Variants in SLC2A9 observed in about 807,000 individuals in gnomAD.
The protein encoded by SLC2A9 is solute carrier family 2, facilitated glucose transporter member 9.
Under a neutral mutation model 50.6 loss-of-function variants are expected in SLC2A9, and 39 were observed. The observed-to-expected ratio is 0.77, with a 90% CI of 0.60 to 1.01. SLC2A9 has a LOEUF of 1.01. SLC2A9 is among the 50% of genes least tolerant of loss of function. SLC2A9 has a pLI of 0.00. For synonymous variants in SLC2A9, 324 were observed against 276.9 expected, an observed-to-expected ratio of 1.17 and a Z score of -1.69; for missense variants, 686 against 677.6, an observed-to-expected ratio of 1.01 and a Z score of -0.14.
rs149457985 is a variant in SLC2A9 at position 10,011,850 on chromosome 4, A to G, written c.249+7125T>C. On this transcript the variant is annotated intron_variant, in intron 2 of 11. Transcript: ENST00000264784. ...TGCTCCTATTTAGATGCTATGCAGCATAGGCTGTGGATTAATTATTCAGCC... is the reference window on the plus strand; with the variant it reads ...TGCTCCTATTTAGATGCTATGCAGCGTAGGCTGTGGATTAATTATTCAGCC... Among the ~76,000 whole-genome samples the G allele has an allele frequency of 3.9e-5, 6 of 152,368 alleles. No homozygotes were observed. In the East Asian group the frequency reaches 7.7e-4, roughly 20 times the overall value.
rs149180298 is a variant in SLC2A9, at chr4:9,939,209, G to C, written c.814+2704C>G. ...ATTGAACAGAGCTAAGGCCAACCTA[G>C]GTCAGCCAGGTGACCAACAGACATG... On this transcript the variant is annotated intron_variant, in intron 6 of 11. Transcript: ENST00000264784. Among the ~76,000 whole-genome samples, 594 of 152,258 alleles carry C rather than the reference G, an allele frequency of 3.9e-3. 1 individual carries two copies. The highest frequency in any genetic ancestry group is 0.014 in the Middle Eastern group (4 of 294).
At chr4:9,824,722 T>C (rs958580848), downstream of SLC2A9, among the ~76,000 whole-genome samples, 1 of 152,226 alleles carries the variant, frequency 6.6e-6, no homozygotes, top group Non-Finnish European at 1.5e-5. Context: ...GCCTTGTCTA[T>C]GATAGGTACC....
chr4:9,805,984 G>T (rs1201642783), intron 3 of SLC2A9, among the ~76,000 whole-genome samples: 1 of 152,200 alleles, frequency 6.6e-6, no homozygotes, highest in African/African-American at 2.4e-5. Context: ...ACGCGGTGGA[G>T]CCTGGACTTG....
chr4:9,795,224 G>C (rs1332034480), downstream of SLC2A9, among the ~76,000 whole-genome samples: 3 of 151,704 alleles, frequency 2.0e-5, no homozygotes, highest in Non-Finnish European at 4.4e-5. Flanking sequence ...TGTTGGCCAG[G>C]GTACCTCGAT....
At chr4:9,893,829 T>A (rs943301959) in intron 8 of SLC2A9, among the ~76,000 whole-genome samples, 1 of 152,176 alleles carries the variant, frequency 6.6e-6, no homozygotes, top group Non-Finnish European at 1.5e-5. Context: ...CCAGAGAGAT[T>A]ATGCTTATCT....
intron 10 of SLC2A9, among the ~76,000 whole-genome samples, chr4:9,857,390 G>A (rs956790282): frequency 6.6e-6 from 1 of 152,224 alleles, no homozygotes; most frequent in Non-Finnish European, 1.5e-5. Context: ...GGGCCAGACA[G>A]TGTCTCAAAT....
chr4:9,818,199 G>A (rs1723896217), intron 3 of SLC2A9, among the ~76,000 whole-genome samples: 1 of 151,294 alleles, frequency 6.6e-6, no homozygotes, highest in Non-Finnish European at 1.5e-5. Context: ...ATCTCCATCT[G>A]ACACGCTGTA....
chr4:9,890,815 G>T, intron 8 of SLC2A9, 104 bp from the exon 9 acceptor site: 1 of 1,019,782 alleles, frequency 9.8e-7, no homozygotes, highest in Non-Finnish European at 1.5e-6. Flanking sequence ...TTAAAAACCG[G>T]CTTTGACCCT....
At chr4:10,030,559 G>A (rs1763909933) in intron 1 of SLC2A9, among the ~76,000 whole-genome samples, 2 of 152,092 alleles carry the variant, frequency 1.3e-5, no homozygotes, top group Non-Finnish European at 2.9e-5. Context: ...GGGGGTGATA[G>A]GCCATTCAAG....
chr4:9,950,428 A>G (rs1750009191), intron 5 of SLC2A9, among the ~76,000 whole-genome samples: 1 of 152,154 alleles, frequency 6.6e-6, no homozygotes, highest in African/African-American at 2.4e-5. Flanking sequence ...CTATTCCTAA[A>G]ACATTTTCTA....
chr4:9,861,915 T>C (rs544986434), intron 10 of SLC2A9, among the ~76,000 whole-genome samples: 2 of 152,354 alleles, frequency 1.3e-5, no homozygotes, highest in South Asian at 4.1e-4. Context: ...TGGCTTCCCA[T>C]GGTATTGAAA....
intron 6 of SLC2A9, among the ~76,000 whole-genome samples, chr4:9,935,727 G>A (rs1291043424): frequency 6.6e-6 from 1 of 152,194 alleles, no homozygotes; most frequent in African/African-American, 2.4e-5. Flanking sequence ...TTTAGGACGT[G>A]TGCCCCTGAA....
intron 3 of SLC2A9, among the ~76,000 whole-genome samples, chr4:9,994,310 C>T (rs1429721958): frequency 6.6e-6 from 1 of 152,148 alleles, no homozygotes; most frequent in Non-Finnish European, 1.5e-5. Context: ...GGCAGGAGGT[C>T]AATAGATGGT....
chr4:9,807,920 C>T (rs184270004), intron 3 of SLC2A9, among the ~76,000 whole-genome samples: 33 of 152,318 alleles, frequency 2.2e-4, no homozygotes, highest in African/African-American at 7.7e-4. Context: ...ATGGTTTCGG[C>T]GAGCCCCCTG....
chr4:9,813,154 C>T (rs1723097939), intron 3 of SLC2A9, among the ~76,000 whole-genome samples: 1 of 152,168 alleles, frequency 6.6e-6, no homozygotes, highest in African/African-American at 2.4e-5. Flanking sequence ...CTGCATAGAC[C>T]TATGTTCAGC....
At chr4:9,877,845 C>T (rs1282981596) in intron 10 of SLC2A9, among the ~76,000 whole-genome samples, 1 of 152,188 alleles carries the variant, frequency 6.6e-6, no homozygotes, top group South Asian at 2.1e-4. Flanking sequence ...ACAGCCTTTA[C>T]CCCTTCTGGA....
chr4:10,020,778 T>C (rs1480242849), intron 1 of SLC2A9, among the ~76,000 whole-genome samples: 1 of 152,174 alleles, frequency 6.6e-6, no homozygotes. Context: ...CCCATCAGAT[T>C]GGGAGCACCT....
rs752823281 is a variant in SLC2A9 at position 9,826,457 on chromosome 4, G to T, written c.1563C>A (p.Tyr521Ter). ...SQAFSKRNKAYPPEEKIDSAV... is the reference protein window; with the variant it reads ...SQAFSKRNKA ...CTGAGTCGATTTTCTCTTCTGGTGGGTATGCTTTGTTCCTTTTGGAAAATG... is the reference window on the plus strand; with the variant it reads ...CTGAGTCGATTTTCTCTTCTGGTGGTTATGCTTTGTTCCTTTTGGAAAATG... The change falls in exon 12 of 12, where the codon TAC (tyrosine) becomes TAA (stop). Residue 521 changes from tyrosine to a stop codon, truncating the protein, a stop_gained. Coordinates refer to ENST00000264784, the MANE Select transcript of SLC2A9 (RefSeq NM_020041.3). LOFTEE classifies it low-confidence loss of function (END_TRUNC). 9.3e-6 allele frequency: 15 copies of T among 1,614,050 alleles called. No individual in the cohort carries two copies. The East Asian group carries it at 2.9e-4, about 31-fold the overall frequency.
At chr4:9,805,677 C>A (rs1338374598) in intron 3 of SLC2A9, among the ~76,000 whole-genome samples, 1 of 139,694 alleles carries the variant, frequency 7.2e-6, no homozygotes, top group Non-Finnish European at 1.5e-5. Context: ...GCCTGCGCAG[C>A]AGGGTGTCAG....
Sources: allele counts gnomAD v4.1 joint callset (sites outside exome capture counted in the v4.1 genomes callset), GRCh38; gene constraint gnomAD v4.1.1; transcripts MANE v1.5; gene names NCBI Gene and HGNC (gene_info 2026-07-23, HGNC 2026-07-21).